Variants in SNTG1 observed in about 807,000 individuals in gnomAD.
SNTG1 encodes the protein syntrophin gamma 1.
SNTG1 carries 39 observed loss-of-function variants against 74.7 expected under a neutral mutation model. The ratio of observed to expected loss-of-function variants is 0.52; its 90% CI spans 0.40 to 0.68. The LOEUF (loss-of-function observed/expected upper bound fraction) is 0.68. SNTG1 is among the 30% of genes least tolerant of loss of function. The pLI is 0.00. For missense variants in SNTG1, 685 were observed against 609.5 expected, an observed-to-expected ratio of 1.12 and a Z score of -1.30; for synonymous variants, 254 against 217.1, an observed-to-expected ratio of 1.17 and a Z score of -1.49.
intron 1 of SNTG1, among the ~76,000 whole-genome samples, chr8:49,966,164 G>T (rs1448240079): frequency 6.6e-6 from 1 of 152,086 alleles, no homozygotes; most frequent in Non-Finnish European, 1.5e-5. Flanking sequence ...GAAAAAAATA[G>T]AGTTTGGAGC....
chr8:50,357,465 C>CA (rs1435125161), intron 2 of SNTG1, among the ~76,000 whole-genome samples: 2 of 152,196 alleles, frequency 1.3e-5, no homozygotes. Flanking sequence ...AAATTAAGTT[C>CA]AAAATCACAT....
chr8:50,219,294 G>A (rs1228138570), intron 2 of SNTG1, among the ~76,000 whole-genome samples: 1 of 152,076 alleles, frequency 6.6e-6, no homozygotes, highest in African/African-American at 2.4e-5. Flanking sequence ...ACAGAAAGAA[G>A]GCCTAAATCA....
At chr8:49,969,158 T>G (rs1366981126) in intron 1 of SNTG1, among the ~76,000 whole-genome samples, 1 of 152,152 alleles carries the variant, frequency 6.6e-6, no homozygotes, top group Non-Finnish European at 1.5e-5. Flanking sequence ...TCTTCTGCAT[T>G]GATTATTTTT....
In SNTG1 at chr8:49,961,390, A is replaced by G. The variant is rs961306688; in HGVS notation, c.-103+49159A>G. Among the ~76,000 whole-genome samples, 6 of 152,334 alleles carry G rather than the reference A, an allele frequency of 3.9e-5. No homozygotes were observed. The South Asian group carries it at 6.2e-4, about 16-fold the overall frequency. ...TGAGAAACTTTTGATTATAGGAAAA[A>G]GAATAATTGGTGCTTTCTAACCTGT... On this transcript the variant is annotated intron_variant, in intron 1 of 18. Coordinates refer to ENST00000642720, the MANE Select transcript of SNTG1 (RefSeq NM_018967.5).
intron 2 of SNTG1, among the ~76,000 whole-genome samples, chr8:50,222,531 A>G (rs1286902157): frequency 6.6e-6 from 1 of 152,202 alleles, no homozygotes; most frequent in African/African-American, 2.4e-5. Flanking sequence ...AATATATGAT[A>G]AAGTGTTTTC....
intron 1 of SNTG1, among the ~76,000 whole-genome samples, chr8:50,100,766 T>A (rs1339916669): frequency 6.6e-6 from 1 of 152,110 alleles, no homozygotes; most frequent in African/African-American, 2.4e-5. Context: ...AGTACAATAA[T>A]ACTTAACATT....
At chr8:50,068,498 G>A (rs911151654) in intron 1 of SNTG1, among the ~76,000 whole-genome samples, 14 of 152,096 alleles carry the variant, frequency 9.2e-5, no homozygotes, top group Non-Finnish European at 2.1e-4. Flanking sequence ...CTGGGCTTGC[G>A]CTGCGGGAGG....
chr8:50,321,581 T>C (rs1434194986), intron 2 of SNTG1, among the ~76,000 whole-genome samples: 11 of 46,930 alleles, frequency 2.3e-4, no homozygotes, highest in Non-Finnish European at 7.9e-4. Flanking sequence ...TGTTGTTTTC[T>C]TGTTTTGTGG....
At chr8:50,041,554 G>C (rs993132464) in intron 1 of SNTG1, among the ~76,000 whole-genome samples, 1 of 152,028 alleles carries the variant, frequency 6.6e-6, no homozygotes, top group Admixed American at 6.6e-5. Flanking sequence ...ACTTACGATT[G>C]TAAATATTTT....
intron 1 of SNTG1, among the ~76,000 whole-genome samples, chr8:50,118,583 G>A (rs1586356001): frequency 6.9e-6 from 1 of 144,452 alleles, no homozygotes; most frequent in East Asian, 2.0e-4. Context: ...CCAATCATGT[G>A]AGGAGTTCAC....
At chr8:50,127,087 T>G (rs901293927) in intron 1 of SNTG1, among the ~76,000 whole-genome samples, 1 of 151,976 alleles carries the variant, frequency 6.6e-6, no homozygotes. Context: ...AAATGTTAGG[T>G]ATAATATCAG....
chr8:50,277,259 C>A (rs1317126874), intron 2 of SNTG1, among the ~76,000 whole-genome samples: 10 of 108,482 alleles, frequency 9.2e-5, no homozygotes, highest in Non-Finnish European at 1.9e-4. Context: ...TGAGCAAGAC[C>A]CTGCCAAAAA....
intron 2 of SNTG1, among the ~76,000 whole-genome samples, chr8:50,265,119 T>C (rs1297987169): frequency 6.6e-6 from 1 of 152,120 alleles, no homozygotes; most frequent in East Asian, 1.9e-4. Context: ...TGAACACTCC[T>C]AACTCATTCT....
At chr8:50,671,226 C>A (rs1267089337) in intron 15 of SNTG1, among the ~76,000 whole-genome samples, 1 of 151,812 alleles carries the variant, frequency 6.6e-6, no homozygotes, top group East Asian at 1.9e-4. Flanking sequence ...TTCTGCACAG[C>A]AAAAGAAACT....
chr8:50,371,886 T>C (rs2092277344), intron 2 of SNTG1, among the ~76,000 whole-genome samples: 1 of 152,158 alleles, frequency 6.6e-6, no homozygotes, highest in Admixed American at 6.5e-5. Flanking sequence ...GTCTAGAGTA[T>C]CTTTTCCTAT....
rs568604215 is a variant in SNTG1, at chr8:50,795,234, G to A, written c.*2405G>A. ...ATACTATTGATAAAAAACATAAGCC[G>A]TGATTTTTATTTAACATGATTAGTA... On this transcript the variant is annotated 3_prime_UTR_variant, in exon 19 of 19. Transcript: ENST00000642720. 18 of 151,960 alleles carry A rather than the reference G, an allele frequency of 1.2e-4. No individual in the cohort carries two copies. The highest frequency in any genetic ancestry group is 2.7e-4 in the African/African-American group (11 of 41,502). The allele number at this position is 151,960 out of a possible 1,614,324, so 9.4% of individuals were successfully genotyped here. A position where few individuals can be genotyped will look rare whatever the true frequency, so the allele number is the denominator to read the frequency against.
intron 1 of SNTG1, among the ~76,000 whole-genome samples, chr8:50,060,312 G>A (rs1171823074): frequency 6.6e-6 from 1 of 151,944 alleles, no homozygotes; most frequent in African/African-American, 2.4e-5. Flanking sequence ...TCATTCTATG[G>A]CTTGTCTTTC....
intron 10 of SNTG1, among the ~76,000 whole-genome samples, chr8:50,531,188 A>T (rs2094264098): frequency 6.6e-6 from 1 of 152,152 alleles, no homozygotes; most frequent in South Asian, 2.1e-4. Context: ...TCCTCAGCTG[A>T]GTACCTTAGG....
intron 2 of SNTG1, among the ~76,000 whole-genome samples, chr8:50,301,668 T>C (rs2130670034): frequency 6.6e-6 from 1 of 152,240 alleles, no homozygotes; most frequent in South Asian, 2.1e-4. Context: ...TTATATAATA[T>C]ATTGTTGCAA....
Sources: allele counts gnomAD v4.1 joint callset (sites outside exome capture counted in the v4.1 genomes callset), GRCh38; gene constraint gnomAD v4.1.1; transcripts MANE v1.5; gene names NCBI Gene and HGNC (gene_info 2026-07-23, HGNC 2026-07-21).